The following DNAH8 variants were observed in gnomAD, a reference collection of about 807,000 sequenced individuals.
The protein encoded by DNAH8 is axonemal beta dynein heavy chain 8.
Under a neutral mutation model 562.1 loss-of-function variants are expected in DNAH8, and 382 were observed. The ratio of observed to expected loss-of-function variants is 0.68; its 90% CI spans 0.63 to 0.74. The LOEUF (loss-of-function observed/expected upper bound fraction) is 0.74, where lower values mean the gene tolerates loss of function less well. Ranked by LOEUF, DNAH8 falls within the 30% of genes least tolerant of loss-of-function variation. The probability of loss-of-function intolerance (pLI) is 0.00; values close to 1 mark genes in which losing one functional copy is unlikely to be tolerated. For synonymous variants in DNAH8, 1,881 were observed against 1,919.4 expected (o/e 0.98, Z 0.52); for missense variants, 5,203 against 5,620.4 (o/e 0.93, Z 2.37).
chr6:38,832,003 G>C (rs1047871465), intron 30 of DNAH8, among the ~76,000 whole-genome samples: 3 of 152,052 alleles, frequency 2.0e-5, no homozygotes, highest in Non-Finnish European at 4.4e-5. Context: ...CTAATCCCAA[G>C]TCTTGGCCTA....
intron 82 of DNAH8, among the ~76,000 whole-genome samples, chr6:38,967,362 A>G (rs1763041558): frequency 6.6e-6 from 1 of 152,150 alleles, no homozygotes; most frequent in South Asian, 2.1e-4. Context: ...TGATTGTGAC[A>G]TGAATTTGTG....
At chr6:38,742,804 A>C (rs1028878675) in intron 8 of DNAH8, among the ~76,000 whole-genome samples, 5 of 151,912 alleles carry the variant, frequency 3.3e-5, no homozygotes, top group Non-Finnish European at 7.4e-5. Flanking sequence ...TTTCCTCAAC[A>C]TCTTCTGTGG....
At chr6:38,849,196 A>C (rs949743956) in intron 37 of DNAH8, among the ~76,000 whole-genome samples, 3 of 152,208 alleles carry the variant, frequency 2.0e-5, no homozygotes, top group African/African-American at 7.2e-5. Context: ...TGTGAGGTAC[A>C]TTCAAATGCA....
At chr6:38,937,811 A>G (rs1783092019) in intron 77 of DNAH8, among the ~76,000 whole-genome samples, 163 bp from the exon 78 acceptor site, 1 of 152,042 alleles carries the variant, frequency 6.6e-6, no homozygotes, top group East Asian at 1.9e-4. Flanking sequence ...TAGTTGGACT[A>G]GAAGCTTTTT....
rs1363369602 is a variant in DNAH8, at chr6:38,770,546, A to G, written c.1751A>G (p.Lys584Arg). Residue 584 changes from lysine (K) to arginine (R), a missense_variant, in exon 12 of 93, where the codon AAA becomes AGA. By Grantham distance (26) the Lys-to-Arg change is conservative. Around this residue, in one of 6 missense-constraint regions of DNAH8, gnomAD observed 2,176 missense variants for 2,365.1 expected, o/e 0.92. Transcript: ENST00000327475. Reference protein sequence around the residue: ...YIFGKFEAFCKRLEKITEMIT... With the variant: ...YIFGKFEAFCRRLEKITEMIT... Reference sequence around the variant, plus strand: ...TTTGGAAAATTTGAAGCTTTTTGCAAAAGACTGGAGAAGGTAAGCATTATG... The same window carrying G: ...TTTGGAAAATTTGAAGCTTTTTGCAGAAGACTGGAGAAGGTAAGCATTATG... 1 of 1,600,434 alleles carries G rather than the reference A, an allele frequency of 6.2e-7. No individual in the cohort carries two copies. The highest frequency in any genetic ancestry group is 1.3e-5 in the African/African-American group (1 of 74,150).
chr6:38,956,194 T>TCA (rs1762233071), intron 82 of DNAH8, among the ~76,000 whole-genome samples: 1 of 152,224 alleles, frequency 6.6e-6, no homozygotes, highest in East Asian at 1.9e-4. Flanking sequence ...ACTGGGAGTC[T>TCA]GAGCCTCCAT....
intron 82 of DNAH8, among the ~76,000 whole-genome samples, chr6:38,956,737 A>C (rs1762269662): frequency 6.6e-6 from 1 of 152,212 alleles, no homozygotes; most frequent in South Asian, 2.1e-4. Context: ...ATTTTTTGGT[A>C]AGCCTCATGG....
Position 38,735,248 on chromosome 6 carries a change from G to A in DNAH8, c.762+623G>A, listed in dbSNP as rs181490882. Among the ~76,000 whole-genome samples, 857 of 152,256 alleles carry A rather than the reference G, an allele frequency of 5.6e-3. 3 individuals are homozygous for A. Among genetic ancestry groups the A allele is most frequent in the Non-Finnish European group, 9.2e-3 (627 of 68,010 alleles). On this transcript the variant is annotated intron_variant, in intron 5 of 92. Transcript: ENST00000327475. ...ATTGCCTGACATACAGTAGGCTCTC[G>A]ACAAATATTAGTTCTCTTTGTTATT...
intron 39 of DNAH8, 87 bp from the exon 40 acceptor site, chr6:38,852,607 A>C: frequency 1.1e-6 from 1 of 942,660 alleles, no homozygotes; most frequent in Non-Finnish European, 1.6e-6. Context: ...TAACCTTTTA[A>C]AAAGATACAA....
At chr6:38,755,887 C>A in intron 9 of DNAH8, 85 bp from the exon 10 acceptor site, 1 of 805,692 alleles carries the variant, frequency 1.2e-6, no homozygotes, top group Non-Finnish European at 2.1e-6. Flanking sequence ...ATTTTGTGTA[C>A]CTTTAGAGTT....
intron 53 of DNAH8, among the ~76,000 whole-genome samples, chr6:38,880,732 A>G (rs6938147): frequency 0.15 from 22,507 of 152,274 alleles, 1,860 homozygotes; most frequent in Admixed American, 0.23. Context: ...AATGCAAATT[A>G]AAACTCCAAT....
chr6:38,828,351 T>A, intron 30 of DNAH8, 63 bp downstream of exon 30: 13 of 965,356 alleles, frequency 1.3e-5, no homozygotes, highest in Non-Finnish European at 2.0e-5. Flanking sequence ...AAAAAGGTAT[T>A]TTATACCTTT....
In DNAH8 at chr6:38,805,624, A is replaced by G. The variant is rs115432921; in HGVS notation, c.3150+28A>G. 2,446 of 1,271,060 alleles carry G rather than the reference A, an allele frequency of 1.9e-3. 29 individuals carry two copies. In the African/African-American group the frequency reaches 0.029, roughly 15 times the overall value. The allele number at this position is 1,271,060 out of a possible 1,614,324, so 78.7% of individuals were successfully genotyped here. On this transcript the variant is annotated intron_variant, in intron 23 of 92. Transcript: ENST00000327475. ...ATTTATTGTGGAACAACTTCATGCAATTCACAGAATTATGGTTTATAGGAT... is the reference window on the plus strand; with the variant it reads ...ATTTATTGTGGAACAACTTCATGCAGTTCACAGAATTATGGTTTATAGGAT...
intron 24 of DNAH8, among the ~76,000 whole-genome samples, chr6:38,809,833 G>T (rs1367130148): frequency 6.6e-6 from 1 of 152,132 alleles, no homozygotes; most frequent in Non-Finnish European, 1.5e-5. Flanking sequence ...GTTGTTAGGT[G>T]CATACAAGGT....
intron 11 of DNAH8, among the ~76,000 whole-genome samples, chr6:38,767,897 C>T (rs1488984104): frequency 1.3e-5 from 2 of 152,194 alleles, no homozygotes; most frequent in South Asian, 2.1e-4. Context: ...AGTGGCTGCA[C>T]CATTTTACAT....
At chr6:38,867,959 T>A in intron 47 of DNAH8, 103 bp from the exon 48 acceptor site, 1 of 1,178,234 alleles carries the variant, frequency 8.5e-7, no homozygotes, top group East Asian at 2.4e-5. Context: ...CCCAAAACTA[T>A]CCCATATAAG....
intron 88 of DNAH8, among the ~76,000 whole-genome samples, chr6:39,006,276 A>G (rs1464199869): frequency 1.3e-5 from 2 of 152,242 alleles, no homozygotes; most frequent in African/African-American, 2.4e-5. Flanking sequence ...GCAGCAATAA[A>G]TAGTATAGGT....
Position 38,929,624 on chromosome 6 carries a change from T to C in DNAH8, c.11232T>C (p.Asn3744=), listed in dbSNP as rs1782383152. 28 of 1,597,596 alleles carry C rather than the reference T, an allele frequency of 1.8e-5. No individual in the cohort carries two copies. The highest frequency in any genetic ancestry group is 2.3e-5 in the Non-Finnish European group (27 of 1,174,460). ...IHEELDPALD[N]VLEKNFIKSG... is the part of the protein sequence containing the mutation. ...AAGAGCTGGATCCAGCCTTGGATAA[T>C]GTATTAGAAAAGAATTTTATTAAAT... is the stretch of plus-strand genomic sequence containing the variant. Residue 3744 remains asparagine, a synonymous_variant, in exon 75 of 93, where the codon AAT becomes AAC. Coordinates refer to ENST00000327475, the MANE Select transcript of DNAH8 (RefSeq NM_001206927.2).
chr6:38,967,629 T>C (rs1045724551), intron 82 of DNAH8, among the ~76,000 whole-genome samples: 1 of 152,092 alleles, frequency 6.6e-6, no homozygotes, highest in Non-Finnish European at 1.5e-5. Flanking sequence ...AAAAATTAAA[T>C]ACCTAAATAA....
Sources: allele counts gnomAD v4.1 joint callset (sites outside exome capture counted in the v4.1 genomes callset), GRCh38; gene constraint gnomAD v4.1.1; regional missense constraint gnomAD v4.1.1; transcripts MANE v1.5; gene names NCBI Gene and HGNC (gene_info 2026-07-23, HGNC 2026-07-21).